GPC6: variants seen among roughly 807,000 people sequenced by gnomAD.
The protein encoded by GPC6 is glypican 6, also known as glypican-6.
In GPC6, 14 loss-of-function variants were observed where a neutral mutation model predicts 55.2. The ratio of observed to expected loss-of-function variants is 0.25; its 90% CI spans 0.17 to 0.40. GPC6 has a LOEUF of 0.40. Ranked by LOEUF, GPC6 falls within the 10% of genes least tolerant of loss-of-function variation. GPC6 has a pLI of 1.00. For synonymous variants in GPC6, 278 were observed against 259.6 expected, an observed-to-expected ratio of 1.07 and a Z score of -0.68; for missense variants, 641 against 708.5, an observed-to-expected ratio of 0.90 and a Z score of 1.08.
chr13:94,155,978 C>T (rs558433653), intron 4 of GPC6, among the ~76,000 whole-genome samples: 6 of 152,198 alleles, frequency 3.9e-5, no homozygotes, highest in Admixed American at 2.6e-4. Flanking sequence ...CATCTCCATT[C>T]GAAGGATGAG....
chr13:93,542,599 A>G (rs1411185150), intron 1 of GPC6, among the ~76,000 whole-genome samples: 2 of 152,160 alleles, frequency 1.3e-5, no homozygotes, highest in Non-Finnish European at 2.9e-5. Context: ...CATTGAATCT[A>G]TAAATTATCT....
At chr13:93,421,944 C>T (rs1336888059) in intron 1 of GPC6, among the ~76,000 whole-genome samples, 3 of 152,026 alleles carry the variant, frequency 2.0e-5, no homozygotes, top group South Asian at 4.1e-4. Context: ...TTCTCCTGAC[C>T]TTGGTGCAAT....
intron 1 of GPC6, among the ~76,000 whole-genome samples, chr13:93,309,367 T>C (rs1594087561): frequency 1.3e-5 from 2 of 152,190 alleles, no homozygotes; most frequent in South Asian, 4.1e-4. Context: ...ATGTTGCTAT[T>C]TTTTTGGTTA....
At chr13:93,484,003 C>T (rs1879610311) in intron 1 of GPC6, among the ~76,000 whole-genome samples, 1 of 152,086 alleles carries the variant, frequency 6.6e-6, no homozygotes, top group African/African-American at 2.4e-5. Flanking sequence ...AACTATTTTC[C>T]TTGTTTAGAC....
intron 4 of GPC6, among the ~76,000 whole-genome samples, chr13:94,131,582 A>G (rs1887002168): frequency 1.3e-5 from 2 of 152,174 alleles, no homozygotes; most frequent in Non-Finnish European, 2.9e-5. Context: ...TTAAGAAAAT[A>G]TGTAATCTTA....
At chr13:94,261,241 C>T (rs1199734614) in intron 4 of GPC6, among the ~76,000 whole-genome samples, 2 of 152,148 alleles carry the variant, frequency 1.3e-5, no homozygotes, top group African/African-American at 4.8e-5. Flanking sequence ...CGCCACTTCA[C>T]TCCAGCCTCA....
intron 2 of GPC6, among the ~76,000 whole-genome samples, chr13:93,724,106 A>T (rs1025533251): frequency 6.6e-6 from 1 of 151,982 alleles, no homozygotes. Context: ...TTTTTACTAC[A>T]AGTAAATAAT....
At chr13:94,271,379 C>T (rs1201260589) in intron 4 of GPC6, among the ~76,000 whole-genome samples, 13 of 111,764 alleles carry the variant, frequency 1.2e-4, no homozygotes, top group East Asian at 8.3e-4. Context: ...CGCGCGCGCG[C>T]GCGCACACAC....
chr13:93,340,026 CTTTTT>C (rs10714044), intron 1 of GPC6, among the ~76,000 whole-genome samples: 54 of 81,618 alleles, frequency 6.6e-4, no homozygotes, highest in African/African-American at 2.4e-3. Flanking sequence ...AGTTTTCTTT[CTTTTT>C]TTTTTTTTTT....
rs571141431 is a variant in GPC6, at chr13:93,878,650, T to C, written c.711+48105T>C. ...ACCTCAGCCTCCCAAAGTGCTAGGA[T>C]TAAAGGCATGAGCCACCGCTCCTGG... On this transcript the variant is annotated intron_variant, in intron 3 of 8. Transcript: ENST00000377047. Among the ~76,000 whole-genome samples the C allele has an allele frequency of 2.0e-5, 3 of 152,184 alleles. No homozygotes were observed. In the South Asian group the frequency reaches 6.2e-4, roughly 32 times the overall value.
At chr13:93,945,147 A>G (rs147920633) in intron 3 of GPC6, among the ~76,000 whole-genome samples, 1 of 152,330 alleles carries the variant, frequency 6.6e-6, no homozygotes, top group East Asian at 1.9e-4. Context: ...TTGAAAAAGA[A>G]AGTATGCATA....
At chr13:93,621,837 C>A (rs911459535) in intron 2 of GPC6, among the ~76,000 whole-genome samples, 1 of 152,152 alleles carries the variant, frequency 6.6e-6, no homozygotes, top group Admixed American at 6.5e-5. Context: ...GTGTTCATCA[C>A]CCTGAATATT....
intron 1 of GPC6, among the ~76,000 whole-genome samples, chr13:93,511,537 A>G (rs1880973671): frequency 6.6e-6 from 1 of 151,746 alleles, no homozygotes; most frequent in Non-Finnish European, 1.5e-5. Flanking sequence ...TGGTCTGTGT[A>G]TCTACTTTTT....
intron 2 of GPC6, among the ~76,000 whole-genome samples, chr13:93,594,284 C>G (rs560626811): frequency 1.3e-5 from 2 of 151,744 alleles, no homozygotes; most frequent in East Asian, 1.9e-4. Context: ...AGCTTAGTAC[C>G]CATTAGTTAT....
chr13:93,895,310 C>T (rs950910543), intron 3 of GPC6, among the ~76,000 whole-genome samples: 6 of 142,258 alleles, frequency 4.2e-5, no homozygotes, highest in Non-Finnish European at 7.6e-5. Context: ...ATAGTATGAA[C>T]CCTGCATGAA....
chr13:94,091,420 G>A (rs1392122401), intron 4 of GPC6, among the ~76,000 whole-genome samples: 1 of 152,072 alleles, frequency 6.6e-6, no homozygotes, highest in Non-Finnish European at 1.5e-5. Context: ...TGTGGGAATG[G>A]GCTATGCTTT....
chr13:93,946,504 C>T (rs1465222816), intron 3 of GPC6, among the ~76,000 whole-genome samples: 1 of 152,190 alleles, frequency 6.6e-6, no homozygotes, highest in East Asian at 1.9e-4. Context: ...TATTTAACAA[C>T]AAGCTTACAA....
At chr13:94,252,835 G>C (rs1891397449) in intron 4 of GPC6, among the ~76,000 whole-genome samples, 1 of 151,934 alleles carries the variant, frequency 6.6e-6, no homozygotes, top group South Asian at 2.1e-4. Context: ...AAAATGGATA[G>C]AAATGGGACT....
intron 6 of GPC6, among the ~76,000 whole-genome samples, chr13:94,365,067 G>A (rs1383284699): frequency 6.6e-6 from 1 of 152,166 alleles, no homozygotes. Flanking sequence ...CTAGGAGGTG[G>A]TGAGCACAAA....
Sources: allele counts gnomAD v4.1 joint callset (sites outside exome capture counted in the v4.1 genomes callset), GRCh38; gene constraint gnomAD v4.1.1; transcripts MANE v1.5; gene names NCBI Gene and HGNC (gene_info 2026-07-23, HGNC 2026-07-21).